The following OLFM2 variants were observed in gnomAD, a reference collection of about 807,000 sequenced individuals.
OLFM2 encodes the protein noelin-2.
In OLFM2, 20 loss-of-function variants were observed where a neutral mutation model predicts 43.9. That is an observed-to-expected ratio of 0.46 (90% CI 0.32 to 0.66). The LOEUF is 0.66. Ranked by LOEUF, OLFM2 falls within the 30% of genes least tolerant of loss-of-function variation. The probability of loss-of-function intolerance (pLI) is 0.04; values close to 1 mark genes in which losing one functional copy is unlikely to be tolerated. For synonymous variants in OLFM2, 268 were observed against 278.6 expected (o/e 0.96, Z 0.38); for missense variants, 416 against 643.6 (o/e 0.65, Z 3.83).
chr19:9,936,101 A>G (rs951954048), intron 1 of OLFM2, among the ~76,000 whole-genome samples: 5 of 142,182 alleles, frequency 3.5e-5, no homozygotes, highest in African/African-American at 1.3e-4. Context: ...GCCCAGCTTG[A>G]GGCTGGATTT....
At chr19:9,920,753 A>G (rs1217367111) in intron 1 of OLFM2, among the ~76,000 whole-genome samples, 1 of 151,528 alleles carries the variant, frequency 6.6e-6, no homozygotes, top group African/African-American at 2.4e-5. Flanking sequence ...AAAAAAAAAA[A>G]AAAAGTAGCC....
intron 1 of OLFM2, among the ~76,000 whole-genome samples, chr19:9,907,996 C>G (rs1028877446): frequency 2.0e-5 from 3 of 151,874 alleles, no homozygotes; most frequent in Non-Finnish European, 4.4e-5. Context: ...CAGGGTGAGA[C>G]TTGATCTCAA....
At chr19:9,919,454 A>C (rs980246040) in intron 1 of OLFM2, among the ~76,000 whole-genome samples, 8 of 145,130 alleles carry the variant, frequency 5.5e-5, no homozygotes, top group African/African-American at 2.1e-4. Context: ...GGCATGAGAC[A>C]CCTTGCCCGG....
chr19:9,931,258 C>CT (rs946526207), intron 1 of OLFM2, among the ~76,000 whole-genome samples: 6 of 152,092 alleles, frequency 3.9e-5, no homozygotes, highest in African/African-American at 1.4e-4. Context: ...TTCTTTCTTT[C>CT]TTTTTTGTGG....
intron 2 of OLFM2, among the ~76,000 whole-genome samples, chr19:9,860,015 G>A (rs572348374): frequency 2.0e-5 from 3 of 152,122 alleles, no homozygotes; most frequent in Non-Finnish European, 2.9e-5. Flanking sequence ...GGTGGCACAC[G>A]CCTGTAATCC....
intron 1 of OLFM2, among the ~76,000 whole-genome samples, chr19:9,923,375 T>G (rs1442575599): frequency 1.3e-5 from 2 of 151,370 alleles, no homozygotes; most frequent in East Asian, 3.9e-4. Flanking sequence ...GCCAACATGG[T>G]GAAATCCTGT....
intron 1 of OLFM2, chr19:9,913,709 C>G (rs2046849212): frequency 9.7e-7 from 1 of 1,030,424 alleles, no homozygotes. Flanking sequence ...CCAGGCGCCC[C>G]GGGGGGGCGT....
chr19:9,898,037 T>C (rs2046701220), intron 1 of OLFM2, among the ~76,000 whole-genome samples: 1 of 150,332 alleles, frequency 6.7e-6, no homozygotes, highest in Non-Finnish European at 1.5e-5. Flanking sequence ...TCCAAGTAGC[T>C]GGGACTATAG....
intron 1 of OLFM2, among the ~76,000 whole-genome samples, chr19:9,877,529 G>A (rs1367516688): frequency 1.5e-5 from 2 of 131,416 alleles, no homozygotes; most frequent in Non-Finnish European, 3.1e-5. Flanking sequence ...GAGAAACTCT[G>A]TCTCAAAAAT....
At chr19:9,925,043 G>A (rs962523803) in intron 1 of OLFM2, among the ~76,000 whole-genome samples, 13 of 152,062 alleles carry the variant, frequency 8.5e-5, no homozygotes, top group East Asian at 3.9e-4. Flanking sequence ...CAGGCAGATC[G>A]TTTGAGCCCA....
intron 1 of OLFM2, among the ~76,000 whole-genome samples, chr19:9,928,724 G>C (rs1364396013): frequency 6.6e-6 from 1 of 151,640 alleles, no homozygotes; most frequent in East Asian, 1.9e-4. Context: ...AGAATTGCTT[G>C]AACCCAGGAG....
At chr19:9,858,212 G>A in intron 2 of OLFM2, 1 of 379,488 alleles carries the variant, frequency 2.6e-6, no homozygotes, top group Non-Finnish European at 5.1e-6. Context: ...CAGATCCTGT[G>A]CTGGCTGGTC....
chr19:9,906,032 G>A (rs1182525403), intron 1 of OLFM2, among the ~76,000 whole-genome samples: 3 of 152,140 alleles, frequency 2.0e-5, no homozygotes, highest in East Asian at 3.9e-4. Context: ...ACGATGGGGC[G>A]TGCTTGCCAT....
intron 1 of OLFM2, among the ~76,000 whole-genome samples, chr19:9,933,534 G>A (rs1568390754): frequency 1.4e-5 from 2 of 146,314 alleles, no homozygotes; most frequent in Non-Finnish European, 3.0e-5. Context: ...CTCCATGCCC[G>A]ACTGCTATCA....
chr19:9,905,399 G>A (rs2046777072), intron 1 of OLFM2, among the ~76,000 whole-genome samples: 1 of 152,112 alleles, frequency 6.6e-6, no homozygotes, highest in African/African-American at 2.4e-5. Flanking sequence ...GGAGCTTGCA[G>A]TGAGCCGAGA....
chr19:9,916,240 C>A (rs1760482002), intron 1 of OLFM2, among the ~76,000 whole-genome samples: 1 of 151,978 alleles, frequency 6.6e-6, no homozygotes, highest in African/African-American at 2.4e-5. Context: ...GCCTGTAATC[C>A]CAGCTACTTG....
At chr19:9,860,582 G>A (rs1331848821) in intron 2 of OLFM2, 63 bp downstream of exon 2, 5 of 1,536,778 alleles carry the variant, frequency 3.3e-6, no homozygotes, top group African/African-American at 1.4e-5. Flanking sequence ...GATGGGGCTG[G>A]AGGGCGGGGT....
rs1450526968 is a variant in OLFM2, at chr19:9,924,377, G to A, written c.63+11927C>T. ...GCCAAGATCACACCACTGCACTCCA[G>A]CCTGGGCGACAGAGCGAGACTCTGT... On this transcript the variant is annotated intron_variant, in intron 1 of 5. Transcript: ENST00000264833. 1.1e-4 allele frequency among the ~76,000 whole-genome samples: 14 copies of A among 126,142 alleles called. 1 individual carries two copies. In the Admixed American group the frequency reaches 1.4e-3, roughly 12 times the overall value. The allele number at this position is 126,142 out of a possible 152,430, so 82.8% of individuals were successfully genotyped here.
chr19:9,871,163 C>G (rs2046438770), intron 1 of OLFM2, among the ~76,000 whole-genome samples: 1 of 151,926 alleles, frequency 6.6e-6, no homozygotes, highest in South Asian at 2.1e-4. Context: ...CCCCACTACT[C>G]AGGAGGCTGA....
Sources: gnomAD v4.1 joint callset for allele counts (sites outside exome capture counted in the v4.1 genomes callset) on GRCh38, gnomAD v4.1.1 for gene constraint, MANE v1.5 for transcripts, NCBI Gene and HGNC (gene_info 2026-07-23, HGNC 2026-07-21) for gene names.